The following RBFOX1 variants were observed in gnomAD, a reference collection of about 807,000 sequenced individuals.
RBFOX1 encodes the protein RNA binding protein fox-1 homolog 1.
Under a neutral mutation model 57.7 loss-of-function variants are expected in RBFOX1, and 8 were observed. The observed-to-expected ratio is 0.14, with a 90% CI of 0.08 to 0.25. The LOEUF (loss-of-function observed/expected upper bound fraction) is 0.25. Ranked by LOEUF, RBFOX1 falls within the 10% of genes least tolerant of loss-of-function variation. The probability of loss-of-function intolerance (pLI) is 1.00; values close to 1 mark genes in which losing one functional copy is unlikely to be tolerated. For missense variants in RBFOX1, 611 were observed against 548.5 expected (o/e 1.11, Z -1.14); for synonymous variants, 326 against 222.4 (o/e 1.47, Z -4.15).
chr16:6,211,638 C>G (rs945970829), intron 1 of RBFOX1, among the ~76,000 whole-genome samples: 1 of 152,094 alleles, frequency 6.6e-6, no homozygotes. Flanking sequence ...GTTTGTAAAG[C>G]AAGCTGAGAG....
At chr16:7,220,736 G>C (rs1292738345) in intron 4 of RBFOX1, among the ~76,000 whole-genome samples, 1 of 149,170 alleles carries the variant, frequency 6.7e-6, no homozygotes, top group Non-Finnish European at 1.5e-5. Context: ...GATCCTGGCT[G>C]AGTGTGGAAT....
rs2064474969 is a variant in RBFOX1 at position 7,483,233 on chromosome 16, C to T, written c.28-34914C>T. On this transcript the variant is annotated intron_variant, in intron 4 of 15. Transcript: ENST00000550418. ...TAGACTCATCAAACTATTTTGGGTC[C>T]CTCCTGGATGCTGTGAGAGACCTAA... 3.9e-5 allele frequency among the ~76,000 whole-genome samples: 6 copies of T among 152,142 alleles called. No homozygotes were observed. The South Asian group carries it at 1.2e-3, about 32-fold the overall frequency.
At chr16:7,594,932 T>G (rs2094610160) in intron 7 of RBFOX1, among the ~76,000 whole-genome samples, 1 of 152,230 alleles carries the variant, frequency 6.6e-6, no homozygotes, top group Admixed American at 6.5e-5. Context: ...CTTTTTTGTT[T>G]ATTAGACCAA....
chr16:6,197,263 C>T (rs918602301), intron 1 of RBFOX1, among the ~76,000 whole-genome samples: 1 of 152,082 alleles, frequency 6.6e-6, no homozygotes, highest in Non-Finnish European at 1.5e-5. Flanking sequence ...TTTCTAGTTC[C>T]AGTGTTTTTC....
chr16:5,764,690 C>A (rs189261363), intron 3 of RBFOX1, among the ~76,000 whole-genome samples: 3 of 152,288 alleles, frequency 2.0e-5, no homozygotes, highest in East Asian at 3.9e-4. Context: ...TCCCTCACAC[C>A]TGTACACTTG....
intron 3 of RBFOX1, among the ~76,000 whole-genome samples, chr16:6,773,593 GT>G (rs2078807676): frequency 7.0e-6 from 1 of 143,720 alleles, no homozygotes; most frequent in East Asian, 2.2e-4. Flanking sequence ...ATTTGTGTGT[GT>G]GTGTGTGTAT....
chr16:6,443,328 C>A (rs567193622), intron 2 of RBFOX1, among the ~76,000 whole-genome samples: 2 of 152,164 alleles, frequency 1.3e-5, no homozygotes, highest in Non-Finnish European at 2.9e-5. Context: ...ACAAGCAAAG[C>A]AAACACAAAG....
intron 3 of RBFOX1, among the ~76,000 whole-genome samples, chr16:6,746,318 A>C (rs567743473): frequency 6.6e-6 from 1 of 152,104 alleles, no homozygotes; most frequent in Non-Finnish European, 1.5e-5. Flanking sequence ...AATATCTTTG[A>C]AAAAAACAAT....
intron 4 of RBFOX1, among the ~76,000 whole-genome samples, chr16:7,475,281 C>T (rs541282969): frequency 2.7e-5 from 4 of 150,446 alleles, no homozygotes; most frequent in South Asian, 2.1e-4. Flanking sequence ...GTGCAGCTAC[C>T]GATTAATAGA....
chr16:6,509,742 T>C (rs1453198334), intron 2 of RBFOX1, among the ~76,000 whole-genome samples: 1 of 152,144 alleles, frequency 6.6e-6, no homozygotes, highest in African/African-American at 2.4e-5. Flanking sequence ...GGAGACCCAT[T>C]TACCCTGATG....
chr16:5,953,430 A>G (rs367725343), intron 4 of RBFOX1, among the ~76,000 whole-genome samples: 5 of 152,172 alleles, frequency 3.3e-5, no homozygotes, highest in African/African-American at 7.2e-5. Flanking sequence ...AGATTTTGGT[A>G]CATCTATCAC....
chr16:7,254,182 G>C (rs1376225917), intron 4 of RBFOX1, among the ~76,000 whole-genome samples: 1 of 152,118 alleles, frequency 6.6e-6, no homozygotes, highest in Non-Finnish European at 1.5e-5. Flanking sequence ...AAATGAAATA[G>C]TTTGCCTGAA....
At chr16:6,555,241 C>A (rs988241748) in intron 2 of RBFOX1, among the ~76,000 whole-genome samples, 2 of 152,180 alleles carry the variant, frequency 1.3e-5, no homozygotes, top group Non-Finnish European at 2.9e-5. Flanking sequence ...TCCAAGTATA[C>A]AAAGCCTGTC....
intron 3 of RBFOX1, among the ~76,000 whole-genome samples, chr16:6,759,434 C>A (rs1400068848): frequency 1.3e-5 from 2 of 148,682 alleles, no homozygotes; most frequent in African/African-American, 5.1e-5. Flanking sequence ...CCAATTAATT[C>A]TTTAGTCAAC....
At chr16:6,041,275 T>C (rs2095433488) in intron 1 of RBFOX1, among the ~76,000 whole-genome samples, 1 of 152,164 alleles carries the variant, frequency 6.6e-6, no homozygotes, top group African/African-American at 2.4e-5. Flanking sequence ...TTCTGTTTGT[T>C]AGAAGCAATT....
At chr16:6,796,439 C>G (rs2084065175) in intron 3 of RBFOX1, among the ~76,000 whole-genome samples, 1 of 152,080 alleles carries the variant, frequency 6.6e-6, no homozygotes, top group Non-Finnish European at 1.5e-5. Flanking sequence ...ATAAAGCACC[C>G]TAACCCCCCA....
At chr16:6,449,486 G>A (rs978408862) in intron 2 of RBFOX1, among the ~76,000 whole-genome samples, 6 of 152,172 alleles carry the variant, frequency 3.9e-5, no homozygotes, top group African/African-American at 1.4e-4. Flanking sequence ...TCTGTTGATG[G>A]AGTCTAAGAG....
chr16:5,612,482 A>T (rs1007569401), intron 3 of RBFOX1, among the ~76,000 whole-genome samples: 1 of 152,238 alleles, frequency 6.6e-6, no homozygotes, highest in African/African-American at 2.4e-5. Context: ...GCAGATACTC[A>T]TACAAAAGTA....
Position 7,486,213 on chromosome 16 carries a change from C to T in RBFOX1, c.28-31934C>T, listed in dbSNP as rs143067775. Among the ~76,000 whole-genome samples the T allele has an allele frequency of 3.4e-3, 492 of 146,764 alleles. 2 individuals carry two copies. The highest frequency in any genetic ancestry group is 0.012 in the African/African-American group (475 of 39,738). On this transcript the variant is annotated intron_variant, in intron 4 of 15. Coordinates refer to ENST00000550418, the MANE Select transcript of RBFOX1 (RefSeq NM_018723.4). The stretch of plus-strand genomic sequence containing the variant: ...TCTCAGCTCGCTGCAACCTCTGACT[C>T]CCGGGTTCAAGTGATTCTCCTGCCT...
Sources: gnomAD v4.1 joint callset for allele counts (sites outside exome capture counted in the v4.1 genomes callset) on GRCh38, gnomAD v4.1.1 for gene constraint, MANE v1.5 for transcripts, NCBI Gene and HGNC (gene_info 2026-07-23, HGNC 2026-07-21) for gene names.